SAMD9: variants seen among roughly 807,000 people sequenced by gnomAD.
SAMD9 encodes sterile alpha motif domain-containing protein 9.
Under a neutral mutation model 1.5 loss-of-function variants are expected in SAMD9, and 3 were observed. That is an observed-to-expected ratio of 2.05 (90% confidence interval 0.93 to 5.29). The LOEUF is 5.29. Among genes scored for constraint, SAMD9 ranks in the 30% most tolerant of loss-of-function variants. The pLI, the probability that SAMD9 is intolerant of heterozygous loss-of-function variation, is 0.02. For missense variants in SAMD9, 1,597 were observed against 1,820.8 expected (o/e 0.88, Z 2.24); for synonymous variants, 635 against 631.9 (o/e 1.00, Z -0.07).
intron 2 of SAMD9, among the ~76,000 whole-genome samples, chr7:93,113,531 A>G (rs888373804): frequency 1.2e-4 from 18 of 152,246 alleles, no homozygotes; most frequent in African/African-American, 4.3e-4. Flanking sequence ...ACAGAATGGG[A>G]GAAAATTTTT....
At chr7:93,109,082 G>A (rs1791695719) in intron 2 of SAMD9, among the ~76,000 whole-genome samples, 1 of 152,162 alleles carries the variant, frequency 6.6e-6, no homozygotes, top group African/African-American at 2.4e-5. Flanking sequence ...ATACAGCCAG[G>A]TGCCCATCTG....
chr7:93,103,390 T>A lies in SAMD9; in HGVS notation c.2708A>T (p.Asn903Ile), dbSNP rs1252182538. ...GAAAATATTCTGCCCTTTCAGGATATTCCGGACCACATTTTCTATGTATTC... is the reference window on the plus strand; with the variant it reads ...GAAAATATTCTGCCCTTTCAGGATAATCCGGACCACATTTTCTATGTATTC... ...NKEYIENVVR[N>I]ILKGQNIFTK... The change falls in exon 3 of 3, where the codon AAT becomes ATT. Residue 903 changes from asparagine to isoleucine, a missense_variant. By Grantham distance (149) the Asn-to-Ile change is moderately radical (BLOSUM62 -3). Coordinates refer to ENST00000379958, the MANE Select transcript of SAMD9 (RefSeq NM_017654.4). 6.2e-7 allele frequency: 1 copy of A among 1,613,570 alleles called. No homozygotes were observed. Among genetic ancestry groups the A allele is most frequent in the South Asian group, 1.1e-5 (1 of 91,060 alleles).
intron 2 of SAMD9, among the ~76,000 whole-genome samples, chr7:93,111,546 T>G (rs1791744184): frequency 6.6e-6 from 1 of 151,776 alleles, no homozygotes; most frequent in Admixed American, 6.6e-5. Flanking sequence ...ATCAACAAAA[T>G]GGATAGACTG....
rs775361202 is a variant in SAMD9 at position 93,102,506 on chromosome 7, G to T, written c.3592C>A (p.Gln1198Lys). 1 of 1,613,706 alleles carries T rather than the reference G, an allele frequency of 6.2e-7. No homozygotes were observed. ...RYDTYNIAGYQGEIEVGLYTI... is the reference protein window; with the variant it reads ...RYDTYNIAGYKGEIEVGLYTI... ...TAAAGCCCAACTTCTATCTCTCCTT[G>T]ATAACCAGCTATATTGTAAGTATCA... Residue 1198 changes from glutamine (Q) to lysine (K), a missense_variant, in exon 3 of 3, where the codon CAA (glutamine) becomes AAA (lysine). By Grantham distance (53) the Gln-to-Lys change is moderately conservative. Coordinates refer to ENST00000379958, the MANE Select transcript of SAMD9 (RefSeq NM_017654.4).
intron 2 of SAMD9, among the ~76,000 whole-genome samples, chr7:93,110,211 T>G (rs1021495359): frequency 2.6e-5 from 4 of 152,072 alleles, no homozygotes; most frequent in African/African-American, 9.7e-5. Flanking sequence ...CAAACTAAGC[T>G]TCATAAGTGA....
chr7:93,102,177 A>G lies in SAMD9; in HGVS notation c.3921T>C (p.Phe1307=), dbSNP rs1403957041. ...AGYFKKYVDI[F]CLLEESQNNT... ...TGTTTTGTGATTCTTCTAAGAGACA[A>G]AATATATCTACATATTTCTTAAAAT... Residue 1307 remains phenylalanine (F), a synonymous_variant, in exon 3 of 3, where the codon TTT becomes TTC. Transcript: ENST00000379958. 3 of 1,613,532 alleles carry G rather than the reference A, an allele frequency of 1.9e-6. No homozygotes were observed. The highest frequency in any genetic ancestry group is 2.5e-6 in the Non-Finnish European group (3 of 1,179,692).
intron 2 of SAMD9, among the ~76,000 whole-genome samples, chr7:93,113,319 A>G (rs1231763837): frequency 6.6e-6 from 1 of 152,236 alleles, no homozygotes; most frequent in Non-Finnish European, 1.5e-5. Context: ...TGGATTAAAG[A>G]CTTAAACGTT....
chr7:93,105,875 G>A lies in SAMD9; in HGVS notation c.223C>T (p.Arg75Trp), dbSNP rs111780648. Residue 75 changes from arginine (R) to tryptophan (W), a missense_variant, in exon 3 of 3, where the codon CGG becomes TGG. Physicochemically the swap from Arg to Trp is moderately radical, Grantham distance 101. Around this residue, in one of 6 missense-constraint regions of SAMD9, gnomAD observed 498 missense variants for 457.4 expected, o/e 1.09. Transcript: ENST00000379958. ...ATCGAATCTTCAATGGCTGTTTTCC[G>A]CAATTCTTTGAATAGTTCTTCTATT... ...IQIEELFKEL[R>W]KTAIEDSIQT... 34,875 of 1,613,970 alleles carry A rather than the reference G, an allele frequency of 0.022. 475 individuals are homozygous for A. The highest frequency in any genetic ancestry group is 0.047 in the South Asian group (4,324 of 91,074).
intron 2 of SAMD9, among the ~76,000 whole-genome samples, chr7:93,106,620 G>A (rs924143259): frequency 3.9e-5 from 6 of 152,200 alleles, no homozygotes; most frequent in African/African-American, 1.4e-4. Context: ...GAACCAAATA[G>A]TAAATATTCA....
rs1276227207 is a variant in SAMD9, at chr7:93,105,862, A to G, written c.236T>C (p.Ile79Thr). 2.5e-6 allele frequency: 4 copies of G among 1,614,138 alleles called. No homozygotes were observed. In the Admixed American group the frequency reaches 5.0e-5, roughly 20 times the overall value. Residue 79 changes from isoleucine (I) to threonine (T), a missense_variant, in exon 3 of 3, where the codon ATT becomes ACT. This residue lies in a region of SAMD9 where 498 missense variants were observed against 457.4 expected (regional missense o/e 1.09). Transcript: ENST00000379958. ...ELFKELRKTAIEDSIQTSKMG... is the reference protein window; with the variant it reads ...ELFKELRKTATEDSIQTSKMG... ...CTTAGATGTCTGAATCGAATCTTCA[A>G]TGGCTGTTTTCCGCAATTCTTTGAA... is the stretch of plus-strand genomic sequence containing the variant.
At chr7:93,112,468 G>A (rs1791761997) in intron 2 of SAMD9, among the ~76,000 whole-genome samples, 1 of 152,144 alleles carries the variant, frequency 6.6e-6, no homozygotes, top group South Asian at 2.1e-4. Flanking sequence ...CAATTAGGCA[G>A]GATAAAGAAA....
In SAMD9 at chr7:93,101,596, C is replaced by T; in HGVS notation, c.4502G>A (p.Cys1501Tyr). 1 of 1,613,884 alleles carries T rather than the reference C, an allele frequency of 6.2e-7. No homozygotes were observed. Among genetic ancestry groups the T allele is most frequent in the Non-Finnish European group, 8.5e-7 (1 of 1,179,818 alleles). The stretch of plus-strand genomic sequence containing the variant: ...ATTAATATCTGGTGTCTTCTTAAAG[C>T]ACTGGTCAATTTTTCCTTTGTGAAC... ...RLVHKGKIDQ[C>Y]FKKTPDINSL... The change falls in exon 3 of 3, where the codon TGC (cysteine) becomes TAC (tyrosine). Residue 1501 changes from cysteine (C) to tyrosine (Y), a missense_variant. This residue lies in a region of SAMD9 where 682 missense variants were observed against 810.0 expected (regional missense o/e 0.84). Transcript: ENST00000379958.
rs371337736 is a variant in SAMD9 at position 93,105,517 on chromosome 7, A to G, written c.581T>C (p.Ile194Thr). The G allele has an allele frequency of 2.9e-5, 47 of 1,613,988 alleles. No individual in the cohort carries two copies. The highest frequency in any genetic ancestry group is 3.8e-5 in the Non-Finnish European group (45 of 1,180,000). The change falls in exon 3 of 3, where the codon ATA becomes ACA. Residue 194 changes from isoleucine (I) to threonine (T), a missense_variant. Around this residue, in one of 6 missense-constraint regions of SAMD9, gnomAD observed 498 missense variants for 457.4 expected, o/e 1.09. Coordinates refer to ENST00000379958, the MANE Select transcript of SAMD9 (RefSeq NM_017654.4). ...ETGPGNLIDP[I>T]HEFKAFTNTA... ...ATTTGTGAAGGCTTTGAATTCATGT[A>G]TCGGATCAATGAGATTGCCTGGTCC...
Position 93,105,534 on chromosome 7 carries a change from G to T in SAMD9, c.564C>A (p.Gly188=), listed in dbSNP as rs1791623518. ...ATTCATGTATCGGATCAATGAGATTGCCTGGTCCTGTTTCAGGCTGTAGAC... is the reference window on the plus strand; with the variant it reads ...ATTCATGTATCGGATCAATGAGATTTCCTGGTCCTGTTTCAGGCTGTAGAC... ...DFSLQPETGP[G]NLIDPIHEFK... The change falls in exon 3 of 3, where the codon GGC becomes GGA. Residue 188 remains glycine, a synonymous_variant. Coordinates refer to ENST00000379958, the MANE Select transcript of SAMD9 (RefSeq NM_017654.4). 6.2e-7 allele frequency: 1 copy of T among 1,614,066 alleles called. No homozygotes were observed. The highest frequency in any genetic ancestry group is 1.1e-5 in the South Asian group (1 of 91,080).
At position 93,103,047 on chromosome 7, in the gene SAMD9, G is replaced by A; in HGVS notation, c.3051C>T (p.Phe1017=). 1 of 1,613,824 alleles carries A rather than the reference G, an allele frequency of 6.2e-7. No homozygotes were observed. The highest frequency in any genetic ancestry group is 8.5e-7 in the Non-Finnish European group (1 of 1,179,782). ...IMLDMLTENL[F]FDTGMGKSKF... ...TACTTTTTCCCATACCAGTATCGAA[G>A]AACAAATTCTCAGTTAGCATATCCA... The change falls in exon 3 of 3, where the codon TTC becomes TTT. Residue 1017 remains phenylalanine, a synonymous_variant. Transcript: ENST00000379958.
At chr7:93,106,564 G>T (rs111938909) in intron 2 of SAMD9, among the ~76,000 whole-genome samples, 2 of 152,200 alleles carry the variant, frequency 1.3e-5, no homozygotes, top group Admixed American at 1.3e-4. Context: ...CATAGATAAA[G>T]TAAATAGAGC....
intron 1 of SAMD9, among the ~76,000 whole-genome samples, chr7:93,116,206 G>A (rs557562767): frequency 1.3e-5 from 2 of 152,188 alleles, no homozygotes; most frequent in South Asian, 4.1e-4. Flanking sequence ...ACAGTCCTTA[G>A]TCTCTGGTGA....
chr7:93,111,523 G>C (rs1366917060), intron 2 of SAMD9, among the ~76,000 whole-genome samples: 1 of 152,140 alleles, frequency 6.6e-6, no homozygotes, highest in Non-Finnish European at 1.5e-5. Context: ...CCAGGAGCTG[G>C]TTTTTTGAAA....
chr7:93,114,911 A>C lies in SAMD9; in HGVS notation c.-109-16T>G, dbSNP rs1170291541. The C allele has an allele frequency of 6.6e-6, 1 of 152,182 alleles. No individual in the cohort carries two copies. Among genetic ancestry groups the C allele is most frequent in the African/African-American group, 2.4e-5 (1 of 41,424 alleles). The allele number at this position is 152,182 out of a possible 1,614,324, so 9.4% of individuals were successfully genotyped here. A position where few individuals can be genotyped will look rare whatever the true frequency, so the allele number is the denominator to read the frequency against. On this transcript the variant is annotated splice_polypyrimidine_tract_variant and intron_variant, in intron 1 of 2. Coordinates refer to ENST00000379958, the MANE Select transcript of SAMD9 (RefSeq NM_017654.4). Reference sequence around the variant, plus strand: ...AGATCAAAATCTGAAAAATTGCAAAACTCATATTTTTAAGTAATCACAAAG... The same window carrying C: ...AGATCAAAATCTGAAAAATTGCAAACCTCATATTTTTAAGTAATCACAAAG...
Sources: gnomAD v4.1 joint callset for allele counts (sites outside exome capture counted in the v4.1 genomes callset) on GRCh38, gnomAD v4.1.1 for gene constraint, gnomAD v4.1.1 regional missense constraint, MANE v1.5 for transcripts, NCBI Gene and HGNC (gene_info 2026-07-23, HGNC 2026-07-21) for gene names.